Variants in PEX5 observed in about 807,000 individuals in gnomAD.
PEX5 encodes PTS1 receptor.
In PEX5, 52 loss-of-function variants were observed where a neutral mutation model predicts 82.9. The observed-to-expected ratio is 0.63, with a 90% CI of 0.50 to 0.79. The LOEUF (loss-of-function observed/expected upper bound fraction) is 0.79, where lower values mean the gene tolerates loss of function less well. Among genes scored for constraint, PEX5 ranks in the 30% least tolerant of loss-of-function variants. The pLI is 0.00. For synonymous variants in PEX5, 300 were observed against 318.8 expected (o/e 0.94, Z 0.63); for missense variants, 719 against 815.2 (o/e 0.88, Z 1.44).
At chr12:7,200,663 G>A (rs1472927477) in intron 6 of PEX5, among the ~76,000 whole-genome samples, 6 of 152,166 alleles carry the variant, frequency 3.9e-5, no homozygotes, top group South Asian at 2.1e-4. Context: ...CGAGGCTGGC[G>A]GATCACTCGC....
intron 5 of PEX5, among the ~76,000 whole-genome samples, chr12:7,195,557 T>C (rs1452259091): frequency 6.6e-6 from 1 of 152,070 alleles, no homozygotes; most frequent in Admixed American, 6.6e-5. Context: ...GCCTCATATC[T>C]ATTGTTAAGT....
At chr12:7,197,564 AAGT>A (rs1942991653) in intron 5 of PEX5, among the ~76,000 whole-genome samples, 1 of 146,908 alleles carries the variant, frequency 6.8e-6, no homozygotes, top group Non-Finnish European at 1.5e-5. Context: ...ATAATATAAT[AAGT>A]AGTAATTACT....
At position 7,210,940 on chromosome 12, in the gene PEX5, G is replaced by A; in HGVS notation, c.*717G>A. 1 of 162,454 alleles carries A rather than the reference G, an allele frequency of 6.2e-6. No homozygotes were observed. Among genetic ancestry groups the A allele is most frequent in the Non-Finnish European group, 1.4e-5 (1 of 72,996 alleles). The allele number at this position is 162,454 out of a possible 1,614,324, so 10.1% of individuals were successfully genotyped here. On this transcript the variant is annotated 3_prime_UTR_variant, in exon 16 of 16. Transcript: ENST00000675855. ...TTTGCTTGTGAAATGAGGCTGGGTG[G>A]GAGCGGGGAGGGACTAGATCAGAAG... is the stretch of plus-strand genomic sequence containing the variant.
At chr12:7,206,579 CTATAA>C (rs10535013) in intron 10 of PEX5, among the ~76,000 whole-genome samples, 66,940 of 151,808 alleles carry the variant, frequency 0.44, 15,873 homozygotes, top group Admixed American at 0.61. Context: ...CTCAAATCTA[CTATAA>C]TATGTCTTTC....
At chr12:7,207,388 T>C (rs971721979) in intron 10 of PEX5, among the ~76,000 whole-genome samples, 1 of 152,182 alleles carries the variant, frequency 6.6e-6, no homozygotes, top group Non-Finnish European at 1.5e-5. Flanking sequence ...TGTGATGACT[T>C]CCTAAAATAA....
chr12:7,189,981 G>T, intron 1 of PEX5: 1 of 1,500,588 alleles, frequency 6.7e-7, no homozygotes, highest in South Asian at 1.3e-5. Flanking sequence ...GCGGGGCTAG[G>T]TATGGTCGGG....
chr12:7,202,739 A>G, intron 9 of PEX5, 35 bp downstream of exon 9: 1 of 1,400,722 alleles, frequency 7.1e-7, no homozygotes, highest in Non-Finnish European at 1.0e-6. Flanking sequence ...GACACCCCAA[A>G]AGAAAACACT....
upstream of PEX5, chr12:7,188,823 G>C (rs1940393013): frequency 6.6e-6 from 1 of 152,412 alleles, no homozygotes; most frequent in Non-Finnish European, 1.5e-5. Context: ...GAGATTATCA[G>C]GGTTTGTTTC....
downstream of PEX5, among the ~76,000 whole-genome samples, chr12:7,211,929 G>C (rs1269178917): frequency 6.7e-6 from 1 of 149,920 alleles, no homozygotes; most frequent in African/African-American, 2.5e-5. Context: ...ATAGATGTTT[G>C]TGGGCACATT....
rs752941146 is a variant in PEX5, at chr12:7,190,928, A to G, written c.183+5A>G. The G allele has an allele frequency of 3.1e-6, 5 of 1,611,720 alleles. No individual in the cohort carries two copies. Among genetic ancestry groups the G allele is most frequent in the Non-Finnish European group, 4.2e-6 (5 of 1,177,900 alleles). ...GGAGTAGCTTCTGAAGATGAGGTAA[A>G]TAGACCAGTCTCTTTTCTGTCCCAT... On this transcript the variant is annotated splice_donor_5th_base_variant and intron_variant, in intron 3 of 15. Transcript: ENST00000675855.
chr12:7,190,969 T>G (rs1309257693), intron 3 of PEX5, 46 bp downstream of exon 3: 1 of 1,568,988 alleles, frequency 6.4e-7, no homozygotes, highest in African/African-American at 1.4e-5. Context: ...TCTTGCCCAC[T>G]GTGTTTTTAC....
In PEX5 at chr12:7,202,300, G is replaced by C. The variant is rs997272104; in HGVS notation, c.702G>C (p.Gly234=). 6.2e-7 allele frequency: 1 copy of C among 1,613,990 alleles called. No individual in the cohort carries two copies. The highest frequency in any genetic ancestry group is 1.3e-5 in the African/African-American group (1 of 74,902). The change falls in exon 8 of 16, where the codon GGG becomes GGC. Residue 234 remains glycine, a synonymous_variant. Coordinates refer to ENST00000675855, the MANE Select transcript of PEX5 (RefSeq NM_001351132.2). ...EGQVSLESGA[G]SGRAQAEQWA... is the part of the protein sequence containing the mutation. ...AGGTGTCCCTGGAGTCCGGTGCAGG[G>C]TCGGGCCGAGCTCAGGCAGAACAGT...
chr12:7,194,482 G>A (rs775415048), intron 5 of PEX5, among the ~76,000 whole-genome samples: 71 of 152,310 alleles, frequency 4.7e-4, no homozygotes, highest in African/African-American at 1.7e-3. Context: ...TTATTTGTGT[G>A]TGTGTGTTTT....
rs1085307998 is a variant in PEX5, at chr12:7,209,845, G to A, written c.1718+5G>A. On this transcript the variant is annotated splice_donor_5th_base_variant and intron_variant, in intron 15 of 15. Transcript: ENST00000675855. ...CATCAACCTCGGGGCTCACCGGTGA[G>A]AGTATCTATTGAGAAATGAATGAAT... is the stretch of plus-strand genomic sequence containing the variant. 1 of 1,614,154 alleles carries A rather than the reference G, an allele frequency of 6.2e-7. No individual in the cohort carries two copies. Among genetic ancestry groups the A allele is most frequent in the Admixed American group, 1.7e-5 (1 of 60,022 alleles).
downstream of PEX5, among the ~76,000 whole-genome samples, chr12:7,216,070 C>T (rs1046158828): frequency 2.0e-5 from 3 of 152,252 alleles, no homozygotes; most frequent in Admixed American, 6.5e-5. Flanking sequence ...CCGGTTCAAG[C>T]GATTCTCCTG....
At position 7,200,029 on chromosome 12, in the gene PEX5, C is replaced by T. The variant is rs1308447230; in HGVS notation, c.551+916C>T. ...CGGCTGGCCAGGCGGGGGGCTGACC[C>T]GCACCTCCCTCCCGGACGGGGCGGC... is the stretch of plus-strand genomic sequence containing the variant. On this transcript the variant is annotated intron_variant, in intron 6 of 15. Transcript: ENST00000675855. Among the ~76,000 whole-genome samples the T allele has an allele frequency of 1.2e-4, 9 of 75,956 alleles. 2 individuals carry two copies. The highest frequency in any genetic ancestry group is 3.6e-4 in the East Asian group (1 of 2,790). 49.8% of individuals were successfully genotyped at this position (75,956 alleles called of 152,430 possible).
downstream of PEX5, among the ~76,000 whole-genome samples, chr12:7,211,969 GT>G (rs371831157): frequency 0.025 from 3,512 of 139,904 alleles, 103 homozygotes; most frequent in African/African-American, 0.082. Flanking sequence ...TTTTTTTTTT[GT>G]TTTTTTTTTT....
intron 5 of PEX5, among the ~76,000 whole-genome samples, chr12:7,196,450 T>TTA (rs1308051543): frequency 5.2e-5 from 7 of 135,270 alleles, no homozygotes; most frequent in African/African-American, 1.4e-4. Context: ...AATGTAATAA[T>TTA]TATGTGTCAT....
chr12:7,203,566 C>CT lies in PEX5; in HGVS notation c.966+17dup. On this transcript the variant is annotated intron_variant, in intron 10 of 15. Transcript: ENST00000675855. ...CCTATGATAAGGTGAGGTAAAAACT[C>CT]TTAGTTTTTCAGGTTCCAGAACTTC... 6.2e-7 allele frequency: 1 copy of CT among 1,611,300 alleles called. No individual in the cohort carries two copies. The highest frequency in any genetic ancestry group is 1.3e-5 in the African/African-American group (1 of 74,982).
Sources: allele counts gnomAD v4.1 joint callset (sites outside exome capture counted in the v4.1 genomes callset), GRCh38; gene constraint gnomAD v4.1.1; transcripts MANE v1.5; gene names NCBI Gene and HGNC (gene_info 2026-07-23, HGNC 2026-07-21).